Variants in MYPN observed in about 807,000 individuals in gnomAD.
MYPN encodes myopalladin, also known as sarcomeric protein myopalladin, 145 kDa (MYOP).
A neutral mutation model predicts 129.4 loss-of-function variants in MYPN; 63 were observed. That is an observed-to-expected ratio of 0.49 (90% CI 0.40 to 0.60). The LOEUF is 0.60. Among genes scored for constraint, MYPN ranks in the 20% least tolerant of loss-of-function variants. The pLI is 0.00. For synonymous variants in MYPN, 629 were observed against 600.9 expected (o/e 1.05, Z -0.68); for missense variants, 1,596 against 1,635.4 (o/e 0.98, Z 0.42).
intron 8 of MYPN, among the ~76,000 whole-genome samples, chr10:68,164,700 C>A (rs1228842522): frequency 6.6e-6 from 1 of 152,180 alleles, no homozygotes; most frequent in Non-Finnish European, 1.5e-5. Context: ...GAATATCTAA[C>A]TTTAATAATT....
At chr10:68,206,590 G>C (rs116771246) in intron 18 of MYPN, among the ~76,000 whole-genome samples, 180 bp from the exon 19 acceptor site, 80 of 152,266 alleles carry the variant, frequency 5.3e-4, no homozygotes, top group African/African-American at 1.9e-3. Context: ...CTCAGCCCCA[G>C]CTGCCCCCTC....
chr10:68,165,442 A>G (rs1238302777), intron 8 of MYPN: 1 of 524,704 alleles, frequency 1.9e-6, no homozygotes, highest in Non-Finnish European at 3.7e-6. Context: ...ACAGAGCGAG[A>G]CTCCACCTAA....
At chr10:68,122,396 C>A (rs1366877494) in intron 2 of MYPN, 56 bp downstream of exon 2, 1 of 1,568,778 alleles carries the variant, frequency 6.4e-7, no homozygotes, top group Non-Finnish European at 8.8e-7. Flanking sequence ...TACCATGACC[C>A]TCCCAAGTAT....
chr10:68,187,029 GC>G (rs969371424), intron 12 of MYPN, among the ~76,000 whole-genome samples: 14 of 152,194 alleles, frequency 9.2e-5, no homozygotes, highest in African/African-American at 3.1e-4. Context: ...ACCTGTGCCA[GC>G]CTGCAAGATG....
chr10:68,205,862 G>A (rs2043806493), intron 18 of MYPN, among the ~76,000 whole-genome samples: 2 of 152,238 alleles, frequency 1.3e-5, no homozygotes, highest in Admixed American at 1.3e-4. Context: ...CAATGTGTTA[G>A]TGTAGTGAAA....
chr10:68,090,317 C>G (rs2041925099), intron 1 of MYPN, among the ~76,000 whole-genome samples: 1 of 152,118 alleles, frequency 6.6e-6, no homozygotes, highest in African/African-American at 2.4e-5. Flanking sequence ...CACCCACCAC[C>G]ACATCCGGCT....
In MYPN at chr10:68,174,117, C is replaced by T; in HGVS notation, c.2025C>T (p.His675=). The part of the protein sequence containing the change: ...QLHNQVLLEQ[H]QLQNPPPSSP... ...ATAACCAAGTCTTACTGGAACAACA[C>T]CAATTGCAAAACCCACCTCCTTCAT... is the stretch of plus-strand genomic sequence containing the variant. Residue 675 remains histidine, a synonymous_variant, in exon 11 of 20, where the codon CAC becomes CAT. Coordinates refer to ENST00000358913, the MANE Select transcript of MYPN (RefSeq NM_032578.4). 7 of 1,614,170 alleles carry T rather than the reference C, an allele frequency of 4.3e-6. No homozygotes were observed. Among genetic ancestry groups the T allele is most frequent in the Non-Finnish European group, 5.9e-6 (7 of 1,180,032 alleles).
At chr10:68,138,907 T>C (rs2042529481) in intron 2 of MYPN, among the ~76,000 whole-genome samples, 1 of 152,114 alleles carries the variant, frequency 6.6e-6, no homozygotes, top group Non-Finnish European at 1.5e-5. Flanking sequence ...TATTTTGATC[T>C]TAAAGTTGAT....
In MYPN at chr10:68,121,627, T is replaced by C. The variant is rs2133993954; in HGVS notation, c.189T>C (p.Leu63=). ...GGGGQDDLPD[L]SAFLSQEELD... ...GAGGCCAAGATGACCTTCCAGATCT[T>C]TCAGCCTTTCTGAGCCAAGAAGAAT... The change falls in exon 2 of 20, where the codon CTT becomes CTC. Residue 63 remains leucine (L), a synonymous_variant. Coordinates refer to ENST00000358913, the MANE Select transcript of MYPN (RefSeq NM_032578.4). The C allele has an allele frequency of 6.2e-7, 1 of 1,614,246 alleles. No homozygotes were observed. The highest frequency in any genetic ancestry group is 8.5e-7 in the Non-Finnish European group (1 of 1,180,042).
intron 3 of MYPN, among the ~76,000 whole-genome samples, chr10:68,144,807 G>T (rs979075757): frequency 6.6e-6 from 1 of 152,144 alleles, no homozygotes; most frequent in Non-Finnish European, 1.5e-5. Flanking sequence ...CCAAGAGGAA[G>T]AGGATTTACG....
chr10:68,171,399 C>A (rs7903493), intron 10 of MYPN, among the ~76,000 whole-genome samples: 61,319 of 151,886 alleles, frequency 0.4, 14,045 homozygotes, highest in Non-Finnish European at 0.52. Context: ...GGCAGACCCG[C>A]TGCATCAGCA....
chr10:68,158,348 T>C (rs566879741), intron 6 of MYPN, 138 bp from the exon 7 acceptor site: 1,279 of 809,740 alleles, frequency 1.6e-3, no homozygotes, highest in Admixed American at 3.6e-3. Context: ...TCCACAGAAC[T>C]GAAGCTGCTA....
At chr10:68,120,090 G>A (rs769267717) in intron 1 of MYPN, among the ~76,000 whole-genome samples, 58 of 152,138 alleles carry the variant, frequency 3.8e-4, no homozygotes, top group Non-Finnish European at 6.5e-4. Context: ...GCCAAGAATG[G>A]CAAATAGTCT....
chr10:68,095,879 C>T (rs764703016), intron 1 of MYPN, among the ~76,000 whole-genome samples: 2 of 152,034 alleles, frequency 1.3e-5, no homozygotes, highest in Non-Finnish European at 2.9e-5. Context: ...CTCAATGCCA[C>T]AGAACTGAAA....
chr10:68,182,445 TATATAACATATATATATA>T (rs2043346692), intron 12 of MYPN, among the ~76,000 whole-genome samples: 1 of 101,956 alleles, frequency 9.8e-6, no homozygotes, highest in African/African-American at 3.7e-5. Context: ...ATATAACATA[TATATAACATATATATATA>T]ACATATATAC....
At chr10:68,141,981 C>A (rs758880939) in intron 2 of MYPN, among the ~76,000 whole-genome samples, 6 of 152,138 alleles carry the variant, frequency 3.9e-5, no homozygotes, top group Non-Finnish European at 2.9e-5. Context: ...TGAGGATGAA[C>A]GCCTGAATGG....
At chr10:68,142,472 A>G (rs1003300120) in intron 2 of MYPN, among the ~76,000 whole-genome samples, 2 of 152,224 alleles carry the variant, frequency 1.3e-5, no homozygotes, top group African/African-American at 4.8e-5. Context: ...CTGATGGCTC[A>G]AGTAACAGAA....
chr10:68,204,589 G>A (rs768732737), intron 18 of MYPN, among the ~76,000 whole-genome samples: 13 of 152,030 alleles, frequency 8.6e-5, no homozygotes, highest in Non-Finnish European at 1.8e-4. Flanking sequence ...ATGGTGGCAT[G>A]TGCCTGTAAT....
At position 68,141,008 on chromosome 10, in the gene MYPN, G is replaced by A. The variant is rs542857975; in HGVS notation, c.903-1932G>A. On this transcript the variant is annotated intron_variant, in intron 2 of 19. Coordinates refer to ENST00000358913, the MANE Select transcript of MYPN (RefSeq NM_032578.4). ...GATCACCTGAGCCCGGGGAGGTTGA[G>A]GCTGGAGTGAACCATGATCATGCCA... Among the ~76,000 whole-genome samples the A allele has an allele frequency of 2.0e-5, 3 of 152,238 alleles. No homozygotes were observed. In the East Asian group the frequency reaches 5.8e-4, roughly 29 times the overall value.
Sources: allele counts gnomAD v4.1 joint callset (sites outside exome capture counted in the v4.1 genomes callset), GRCh38; gene constraint gnomAD v4.1.1; transcripts MANE v1.5; gene names NCBI Gene and HGNC (gene_info 2026-07-23, HGNC 2026-07-21).